The following ATP10B variants were observed in gnomAD, a reference collection of about 807,000 sequenced individuals.
The protein encoded by ATP10B is phospholipid-transporting ATPase VB.
A neutral mutation model predicts 141.2 loss-of-function variants in ATP10B; 122 were observed. That is an observed-to-expected ratio of 0.86 (90% CI 0.75 to 1.00). ATP10B has a LOEUF of 1.00. Among genes scored for constraint, ATP10B ranks in the 50% least tolerant of loss-of-function variants. The pLI is 0.00. For synonymous variants in ATP10B, 685 were observed against 692.0 expected, an observed-to-expected ratio of 0.99 and a Z score of 0.16; for missense variants, 1,876 against 1,825.3, an observed-to-expected ratio of 1.03 and a Z score of -0.51.
At chr5:160,787,151 T>C (rs1200641852) in intron 1 of ATP10B, among the ~76,000 whole-genome samples, 1 of 133,014 alleles carries the variant, frequency 7.5e-6, no homozygotes, top group Non-Finnish European at 1.7e-5. Flanking sequence ...CACACACACA[T>C]TATTTGAACT....
intron 1 of ATP10B, among the ~76,000 whole-genome samples, chr5:160,792,672 T>C (rs1235463722): frequency 6.6e-6 from 1 of 152,174 alleles, no homozygotes; most frequent in Non-Finnish European, 1.5e-5. Flanking sequence ...TGCTGCTGTC[T>C]ACTTGCCCTA....
chr5:160,696,721 C>T (rs1479158304), intron 3 of ATP10B, among the ~76,000 whole-genome samples: 1 of 152,086 alleles, frequency 6.6e-6, no homozygotes, highest in African/African-American at 2.4e-5. Context: ...AAAGTCAAAA[C>T]AATAACAACA....
In ATP10B at chr5:160,620,575, C is replaced by A. The variant is rs1012149434; in HGVS notation, c.2188G>T (p.Ala730Ser). 1.9e-6 allele frequency: 3 copies of A among 1,613,706 alleles called. No homozygotes were observed. Among genetic ancestry groups the A allele is most frequent in the Non-Finnish European group, 1.7e-6 (2 of 1,179,684 alleles). Residue 730 changes from alanine to serine, a missense_variant, in exon 15 of 26, where the codon GCT becomes TCT. Physicochemically the swap from Ala to Ser is moderately conservative, Grantham distance 99. Transcript: ENST00000327245. ...ESPDEAALVH[A>S]AHAYSFTLVS... ...AGTGTGAAGCTGTAGGCATGGGCAG[C>A]GTGCACCAGGGCGGCCTCATCAGGG...
chr5:160,742,634 C>A (rs1190797453), intron 2 of ATP10B, among the ~76,000 whole-genome samples: 2 of 152,194 alleles, frequency 1.3e-5, no homozygotes, highest in Non-Finnish European at 1.5e-5. Flanking sequence ...AACTCAAGTG[C>A]AGCCACTTCA....
chr5:160,853,441 T>C (rs1753899611), upstream of ATP10B, among the ~76,000 whole-genome samples: 1 of 152,156 alleles, frequency 6.6e-6, no homozygotes, highest in African/African-American at 2.4e-5. Flanking sequence ...ATACAATTGC[T>C]CAAAGCCAAA....
intron 1 of ATP10B, among the ~76,000 whole-genome samples, chr5:160,836,054 G>A (rs575879718): frequency 3.2e-4 from 49 of 152,150 alleles, no homozygotes; most frequent in African/African-American, 1.1e-3. Flanking sequence ...TAAAGTGTTC[G>A]CATGGACATA....
the ATP10B span, among the ~76,000 whole-genome samples, chr5:160,921,739 T>G: frequency 6.6e-6 from 1 of 152,230 alleles, no homozygotes; most frequent in African/African-American, 2.4e-5. Context: ...TGCCACAAGA[T>G]GTGAAAGTTG....
At chr5:160,872,583 T>C in the ATP10B span, among the ~76,000 whole-genome samples, 2 of 152,208 alleles carry the variant, frequency 1.3e-5, no homozygotes, top group Admixed American at 6.5e-5. Context: ...TCCAGTTTTA[T>C]TCTCCATGTG....
At chr5:160,794,103 C>G (rs1472320934) in intron 1 of ATP10B, among the ~76,000 whole-genome samples, 1 of 152,132 alleles carries the variant, frequency 6.6e-6, no homozygotes, top group Non-Finnish European at 1.5e-5. Flanking sequence ...AAATGTCATT[C>G]TTTTAATGTA....
chr5:160,889,847 C>T, the ATP10B span, among the ~76,000 whole-genome samples: 2 of 152,156 alleles, frequency 1.3e-5, no homozygotes, highest in Non-Finnish European at 2.9e-5. Context: ...TGAACATCTT[C>T]TCATATCTAC....
intron 20 of ATP10B, 53 bp downstream of exon 20, chr5:160,603,912 C>G (rs1757233819): frequency 1.3e-6 from 2 of 1,511,356 alleles, no homozygotes; most frequent in Admixed American, 3.3e-5. Flanking sequence ...TGGATATTTC[C>G]TTGTATCTCA....
intron 2 of ATP10B, among the ~76,000 whole-genome samples, chr5:160,757,028 G>A (rs1006610501): frequency 6.6e-6 from 1 of 151,832 alleles, no homozygotes. Flanking sequence ...CTGAGCTCAA[G>A]GTCACTAACT....
intron 1 of ATP10B, among the ~76,000 whole-genome samples, chr5:160,838,749 G>T (rs1775628154): frequency 6.6e-6 from 1 of 152,084 alleles, no homozygotes; most frequent in South Asian, 2.1e-4. Flanking sequence ...TGAAATGAAG[G>T]CCAAGACCTG....
At chr5:160,896,371 G>T in the ATP10B span, among the ~76,000 whole-genome samples, 2 of 152,068 alleles carry the variant, frequency 1.3e-5, no homozygotes, top group Non-Finnish European at 2.9e-5. Context: ...TGTCACCACT[G>T]ATCCCACAGA....
chr5:160,566,743 G>A (rs1754563130), intron 25 of ATP10B, among the ~76,000 whole-genome samples: 1 of 152,192 alleles, frequency 6.6e-6, no homozygotes, highest in African/African-American at 2.4e-5. Context: ...CACAAGCCGT[G>A]GCAGTGGGCA....
intron 2 of ATP10B, among the ~76,000 whole-genome samples, chr5:160,738,679 C>A (rs1767278669): frequency 6.6e-6 from 1 of 151,944 alleles, no homozygotes; most frequent in Non-Finnish European, 1.5e-5. Context: ...TCAAAACAGA[C>A]TGAAGAAGAA....
At chr5:160,810,194 T>A (rs1271146796) in intron 1 of ATP10B, among the ~76,000 whole-genome samples, 1 of 152,132 alleles carries the variant, frequency 6.6e-6, no homozygotes, top group Non-Finnish European at 1.5e-5. Context: ...ATTTTTCAAC[T>A]ATTGTACTAG....
chr5:160,807,307 CT>C (rs1347721838), intron 1 of ATP10B, among the ~76,000 whole-genome samples: 3 of 152,176 alleles, frequency 2.0e-5, no homozygotes, highest in Non-Finnish European at 1.5e-5. Context: ...TTAATTTTCA[CT>C]GTAAACCATT....
intron 1 of ATP10B, among the ~76,000 whole-genome samples, chr5:160,840,317 G>A (rs1459894004): frequency 6.6e-6 from 1 of 151,948 alleles, no homozygotes; most frequent in Non-Finnish European, 1.5e-5. Context: ...AGCTATGAAG[G>A]GGGTATAGTC....
Sources: allele counts gnomAD v4.1 joint callset (sites outside exome capture counted in the v4.1 genomes callset), GRCh38; gene constraint gnomAD v4.1.1; transcripts MANE v1.5; gene names NCBI Gene and HGNC (gene_info 2026-07-23, HGNC 2026-07-21).